CELF4: variants seen among roughly 807,000 people sequenced by gnomAD.
The protein encoded by CELF4 is CUG-BP- and ETR-3-like factor 4.
CELF4 carries 18 observed loss-of-function variants against 59.9 expected under a neutral mutation model. The ratio of observed to expected loss-of-function variants is 0.30; its 90% CI spans 0.21 to 0.45. The LOEUF is 0.45. CELF4 is among the 20% of genes least tolerant of loss of function. The pLI, the probability that CELF4 is intolerant of heterozygous loss-of-function variation, is 1.00. For synonymous variants in CELF4, 261 were observed against 267.1 expected (o/e 0.98, Z 0.22); for missense variants, 456 against 689.0 (o/e 0.66, Z 3.79).
intron 1 of CELF4, among the ~76,000 whole-genome samples, chr18:37,490,837 TCACCCTGAGCTGCCCC>T (rs2099900877): frequency 6.6e-6 from 1 of 152,112 alleles, no homozygotes; most frequent in East Asian, 1.9e-4. Flanking sequence ...GTCTAGGACC[TCACCCTGAGCTGCCCC>T]CTTTCCTGCC....
chr18:37,294,061 G>A (rs886929937), intron 3 of CELF4, among the ~76,000 whole-genome samples: 1 of 152,074 alleles, frequency 6.6e-6, no homozygotes, highest in Non-Finnish European at 1.5e-5. Context: ...ATCCCAAAAG[G>A]AGTGCAGATT....
chr18:37,256,875 G>A (rs1569030157), intron 11 of CELF4, among the ~76,000 whole-genome samples: 1 of 152,196 alleles, frequency 6.6e-6, no homozygotes. Context: ...ATGAGCCACT[G>A]CACCCAGCCT....
intron 3 of CELF4, among the ~76,000 whole-genome samples, chr18:37,298,255 A>C (rs1212463475): frequency 6.6e-6 from 1 of 152,190 alleles, no homozygotes; most frequent in African/African-American, 2.4e-5. Context: ...GAAGGATCAT[A>C]GCTTTTCTCA....
At position 37,342,233 on chromosome 18, in the gene CELF4, GCACACA is replaced by G. The variant is rs56845978; in HGVS notation, c.370-20358_370-20353del. Among the ~76,000 whole-genome samples, 208 of 146,144 alleles carry G rather than the reference GCACACA, an allele frequency of 1.4e-3. 1 individual carries two copies. The highest frequency in any genetic ancestry group is 3.8e-3 in the African/African-American group (151 of 39,534). On this transcript the variant is annotated intron_variant, in intron 2 of 12. Transcript: ENST00000420428. ...AGATTGGGGAAAGATAACAGCACAT[GCACACA>G]CACACACACACACACACACACACAC... is the stretch of plus-strand genomic sequence containing the variant.
intron 1 of CELF4, among the ~76,000 whole-genome samples, chr18:37,505,138 G>C (rs959031260): frequency 3.2e-4 from 49 of 152,028 alleles, no homozygotes; most frequent in Admixed American, 2.7e-3. Context: ...AGGGGCAGGG[G>C]GCAACTGTCC....
chr18:37,266,485 A>G, intron 9 of CELF4, 48 bp downstream of exon 9: 6 of 1,524,272 alleles, frequency 3.9e-6, no homozygotes, highest in African/African-American at 1.4e-5. Flanking sequence ...AGGCGTGGAG[A>G]GATAAACGGA....
chr18:37,466,933 C>G (rs1013348687), intron 2 of CELF4, among the ~76,000 whole-genome samples: 20 of 152,146 alleles, frequency 1.3e-4, no homozygotes, highest in African/African-American at 4.8e-4. Flanking sequence ...TGGAGCCACT[C>G]AGCGGGTGTG....
chr18:37,555,926 G>A (rs1312679426), intron 1 of CELF4, among the ~76,000 whole-genome samples: 3 of 152,138 alleles, frequency 2.0e-5, no homozygotes, highest in Admixed American at 2.0e-4. Flanking sequence ...GTATGCGAGC[G>A]TGTTCACGTG....
intron 2 of CELF4, among the ~76,000 whole-genome samples, chr18:37,430,578 C>T (rs1279588135): frequency 1.3e-5 from 2 of 152,212 alleles, no homozygotes; most frequent in South Asian, 2.1e-4. Context: ...CAACCCAGCA[C>T]AGAAACGACC....
intron 2 of CELF4, among the ~76,000 whole-genome samples, chr18:37,329,683 G>A (rs1247826247): frequency 2.0e-5 from 3 of 152,346 alleles, no homozygotes; most frequent in East Asian, 1.9e-4. Context: ...GGTGGACCTG[G>A]CAGGTAGAGA....
chr18:37,545,153 G>A (rs1314393260), intron 1 of CELF4, among the ~76,000 whole-genome samples: 1 of 152,212 alleles, frequency 6.6e-6, no homozygotes, highest in Non-Finnish European at 1.5e-5. Context: ...GGGCACCAGT[G>A]CCCAACAGCA....
At chr18:37,551,925 T>C (rs540502373) in intron 1 of CELF4, among the ~76,000 whole-genome samples, 16 of 152,186 alleles carry the variant, frequency 1.1e-4, no homozygotes, top group Non-Finnish European at 1.8e-4. Flanking sequence ...TTGTCCACCA[T>C]TCTAAGAATG....
At chr18:37,393,722 C>T (rs576640368) in intron 2 of CELF4, among the ~76,000 whole-genome samples, 65 of 151,820 alleles carry the variant, frequency 4.3e-4, no homozygotes, top group African/African-American at 1.6e-3. Flanking sequence ...GTGACAGGTG[C>T]CCATCTAGGC....
intron 1 of CELF4, among the ~76,000 whole-genome samples, chr18:37,559,414 T>C (rs1221752416): frequency 2.0e-5 from 3 of 152,134 alleles, no homozygotes; most frequent in African/African-American, 7.2e-5. Flanking sequence ...TCTCTGCATG[T>C]CACATGGGAT....
chr18:37,431,621 G>A (rs534710087), intron 2 of CELF4, among the ~76,000 whole-genome samples: 1 of 152,100 alleles, frequency 6.6e-6, no homozygotes, highest in East Asian at 1.9e-4. Flanking sequence ...TGCCCGCCTC[G>A]GCCTCCCAAA....
intron 3 of CELF4, among the ~76,000 whole-genome samples, chr18:37,298,162 T>A (rs1477963356): frequency 6.6e-6 from 1 of 152,218 alleles, no homozygotes; most frequent in Non-Finnish European, 1.5e-5. Context: ...GAAGGAGTGA[T>A]GGCTGAGCCT....
chr18:37,269,376 T>C (rs755348310), intron 8 of CELF4, among the ~76,000 whole-genome samples: 10 of 152,362 alleles, frequency 6.6e-5, no homozygotes, highest in Middle Eastern at 6.8e-3. Flanking sequence ...TTCCCTCTAG[T>C]ACAGTGACCT....
chr18:37,542,952 C>G (rs926298055), intron 1 of CELF4, among the ~76,000 whole-genome samples: 3 of 152,112 alleles, frequency 2.0e-5, no homozygotes, highest in Non-Finnish European at 2.9e-5. Flanking sequence ...TCACTCCTGC[C>G]TCCCTTGAAC....
Position 37,457,740 on chromosome 18 carries a change from C to T in CELF4, c.369+27785G>A, listed in dbSNP as rs182227936. 8.7e-4 allele frequency among the ~76,000 whole-genome samples: 133 copies of T among 152,276 alleles called. 1 individual carries two copies. Among genetic ancestry groups the T allele is most frequent in the African/African-American group, 2.7e-3 (114 of 41,556 alleles). ...ACTGGCCTGTTCCATCCTCTGAGCC[C>T]AGCTTTCCCAGGAGGCTGTGGCCTG... On this transcript the variant is annotated intron_variant, in intron 2 of 12. Transcript: ENST00000420428.
Sources: allele counts gnomAD v4.1 joint callset (sites outside exome capture counted in the v4.1 genomes callset), GRCh38; gene constraint gnomAD v4.1.1; transcripts MANE v1.5; gene names NCBI Gene and HGNC (gene_info 2026-07-23, HGNC 2026-07-21).